Variants in FHOD1 observed in about 807,000 individuals in gnomAD.
FHOD1 encodes the protein formin homology 2 domain containing 1, also known as FH1/FH2 domain-containing protein 1.
Under a neutral mutation model 111.6 loss-of-function variants are expected in FHOD1, and 89 were observed. The observed-to-expected ratio is 0.80, with a 90% CI of 0.67 to 0.95. FHOD1 has a LOEUF of 0.95. Among genes scored for constraint, FHOD1 ranks in the 40% least tolerant of loss-of-function variants. The pLI, the probability that FHOD1 is intolerant of heterozygous loss-of-function variation, is 0.00. For missense variants in FHOD1, 1,446 were observed against 1,554.2 expected (o/e 0.93, Z 1.17); for synonymous variants, 618 against 639.0 (o/e 0.97, Z 0.50).
rs775428830 is a variant in FHOD1 at position 67,230,262 on chromosome 16, G to A, written c.3052-34C>T. 4.1e-5 allele frequency: 66 copies of A among 1,613,474 alleles called. 1 individual carries two copies. The highest frequency in any genetic ancestry group is 2.2e-4 in the South Asian group (20 of 91,076). The stretch of plus-strand genomic sequence containing the variant: ...AGAAGAAGGGTGAGCTGGGAGGAGC[G>A]AAGGAAACCAAGGAGGTGGCAGTCA... On this transcript the variant is annotated intron_variant, in intron 19 of 21. Coordinates refer to ENST00000258201, the MANE Select transcript of FHOD1 (RefSeq NM_013241.3).
rs1189324533 is a variant in FHOD1 at position 67,230,641 on chromosome 16, C to G, written c.2818G>C (p.Val940Leu). ...THFLDQCARR[V>L]AMLRIVHRRV... ...CGGTGCACTATCCTTAGCATGGCAACACGGCGGGCACACTGGTCCAGGAAG... is the reference window on the plus strand; with the variant it reads ...CGGTGCACTATCCTTAGCATGGCAAGACGGCGGGCACACTGGTCCAGGAAG... The change falls in exon 18 of 22, where the codon GTT (valine) becomes CTT (leucine). Residue 940 changes from valine (V) to leucine (L), a missense_variant. This residue lies in a region of FHOD1 where 1,085 missense variants were observed against 1,108.8 expected (regional missense o/e 0.98). Coordinates refer to ENST00000258201, the MANE Select transcript of FHOD1 (RefSeq NM_013241.3). The G allele has an allele frequency of 3.1e-6, 5 of 1,614,062 alleles. No individual in the cohort carries two copies. In the South Asian group the frequency reaches 5.5e-5, roughly 18 times the overall value.
rs954629708 is a variant in FHOD1 at position 67,238,399 on chromosome 16, G to A, written c.422C>T (p.Ser141Leu). The A allele has an allele frequency of 1.9e-6, 3 of 1,614,150 alleles. No individual in the cohort carries two copies. The highest frequency in any genetic ancestry group is 2.5e-6 in the Non-Finnish European group (3 of 1,180,030). ...SGPELRRSLF[S>L]LKQIFQEDKD... is the part of the protein sequence containing the mutation. ...CCTCACCTGGAAGATCTGCTTCAGT[G>A]AGAAGAGGGAGCGGCGGAGCTCAGG... The change falls in exon 4 of 22, where the codon TCA becomes TTA. Residue 141 changes from serine to leucine, a missense_variant. Ser to Leu is a moderately radical substitution (Grantham distance 145). Transcript: ENST00000258201. The surrounding 1 kb of genome is among the most constrained non-coding windows in gnomAD (Gnocchi z 4.2).
intron 17 of FHOD1, 157 bp from the exon 18 acceptor site, chr16:67,230,948 T>C: frequency 4.5e-6 from 4 of 888,960 alleles, no homozygotes; most frequent in Non-Finnish European, 6.7e-6. Flanking sequence ...CCATCTGATG[T>C]GAATGGGGAG....
At position 67,231,929 on chromosome 16, in the gene FHOD1, G is replaced by A. The variant is rs2034292857; in HGVS notation, c.2202+110C>T. 2 of 1,540,852 alleles carry A rather than the reference G, an allele frequency of 1.3e-6. No individual in the cohort carries two copies. The highest frequency in any genetic ancestry group is 2.7e-5 in the African/African-American group (2 of 73,264). Reference sequence around the variant, plus strand: ...GGGGAGGCCCCAGTGTCTGGGGACTGCCCTGCAGAAATGCCAAGCCCATGC... The same window carrying A: ...GGGGAGGCCCCAGTGTCTGGGGACTACCCTGCAGAAATGCCAAGCCCATGC... On this transcript the variant is annotated intron_variant, in intron 14 of 21. Transcript: ENST00000258201. The surrounding 1 kb of genome is among the most constrained non-coding windows in gnomAD (Gnocchi z 4.3).
Position 67,231,622 on chromosome 16 carries a change from C to A in FHOD1, c.2385+15G>T. ...ACCTGTCCCTACTGACTGTCCCACT[C>A]CAAGACCCAGGTACCCGCTCCATGC... On this transcript the variant is annotated intron_variant, in intron 15 of 21. Coordinates refer to ENST00000258201, the MANE Select transcript of FHOD1 (RefSeq NM_013241.3). This position sits in a 1 kb window ranked among gnomAD's most constrained non-coding sequence, Gnocchi z 4.3. 1.9e-6 allele frequency: 3 copies of A among 1,614,114 alleles called. No homozygotes were observed. The highest frequency in any genetic ancestry group is 2.5e-6 in the Non-Finnish European group (3 of 1,179,976).
At chr16:67,236,524 G>A (rs1367112659) in intron 11 of FHOD1, 33 bp downstream of exon 11, 2 of 1,602,938 alleles carry the variant, frequency 1.2e-6, no homozygotes, top group Non-Finnish European at 1.7e-6. Context: ...ATGGGAGAGA[G>A]GACTCCAGGG....
At chr16:67,235,812 A>T (rs1423845171) in intron 11 of FHOD1, among the ~76,000 whole-genome samples, 1 of 152,188 alleles carries the variant, frequency 6.6e-6, no homozygotes, top group Non-Finnish European at 1.5e-5. Context: ...AGGTGTTGCT[A>T]TTGAAGCACA....
In FHOD1 at chr16:67,233,875, G is replaced by T. The variant is rs376217621; in HGVS notation, c.1828C>A (p.Leu610Ile). ...PPPPLPLAAPLPHSVPDSSAL... is the reference protein window; with the variant it reads ...PPPPLPLAAPIPHSVPDSSAL... ...GAGCTGTCAGGCACTGAATGGGGAA[G>T]AGGGGCAGCCAGAGGTAGAGGTGGA... Residue 610 changes from leucine to isoleucine, a missense_variant, in exon 13 of 22, where the codon CTT (leucine) becomes ATT (isoleucine). This residue lies in a region of FHOD1 where 1,085 missense variants were observed against 1,108.8 expected (regional missense o/e 0.98). Transcript: ENST00000258201. The T allele has an allele frequency of 6.2e-7, 1 of 1,606,476 alleles. No homozygotes were observed. Among genetic ancestry groups the T allele is most frequent in the Non-Finnish European group, 8.5e-7 (1 of 1,176,674 alleles).
rs1181412003 is a variant in FHOD1 at position 67,237,763 on chromosome 16, G to C, written c.648C>G (p.Arg216=). 6.2e-7 allele frequency: 1 copy of C among 1,614,018 alleles called. No homozygotes were observed. The highest frequency in any genetic ancestry group is 1.7e-5 in the Admixed American group (1 of 60,028). ...WLYTLCASLS[R]LVVKTALKLL... The stretch of plus-strand genomic sequence containing the variant: ...GCTTCAGGGCTGTCTTCACCACCAA[G>C]CGGGACTGAGGAGAGAGGTCAGTAC... The change falls in exon 7 of 22, where the codon CGC becomes CGG. Residue 216 remains arginine (R), a synonymous_variant. Coordinates refer to ENST00000258201, the MANE Select transcript of FHOD1 (RefSeq NM_013241.3). The surrounding 1 kb of genome is among the most constrained non-coding windows in gnomAD (Gnocchi z 5.6).
rs1250588327 is a variant in FHOD1 at position 67,237,646 on chromosome 16, C to T, written c.754+11G>A. ...TCTGAGCGGTGGGGGGAGAAAGGGA[C>T]AGTCTCTGACCGGTGGTGCTGGCCA... On this transcript the variant is annotated intron_variant, in intron 7 of 21. Transcript: ENST00000258201. The surrounding 1 kb of genome is among the most constrained non-coding windows in gnomAD (Gnocchi z 5.6). The T allele has an allele frequency of 6.2e-7, 1 of 1,613,656 alleles. No individual in the cohort carries two copies. Among genetic ancestry groups the T allele is most frequent in the African/African-American group, 1.3e-5 (1 of 74,892 alleles).
rs1172959437 is a variant in FHOD1 at position 67,237,766 on chromosome 16, G to A, written c.645C>T (p.Ser215=). The A allele has an allele frequency of 2.5e-5, 41 of 1,613,766 alleles. No individual in the cohort carries two copies. The highest frequency in any genetic ancestry group is 3.5e-5 in the Non-Finnish European group (41 of 1,179,760). The change falls in exon 7 of 22, where the codon TCC becomes TCT. Residue 215 remains serine (S), a splice_region_variant and synonymous_variant. Coordinates refer to ENST00000258201, the MANE Select transcript of FHOD1 (RefSeq NM_013241.3). The surrounding 1 kb of genome is among the most constrained non-coding windows in gnomAD (Gnocchi z 5.6). The part of the protein sequence containing the change: ...QWLYTLCASL[S]RLVVKTALKL... ...TCAGGGCTGTCTTCACCACCAAGCGGGACTGAGGAGAGAGGTCAGTACATA... is the reference window on the plus strand; with the variant it reads ...TCAGGGCTGTCTTCACCACCAAGCGAGACTGAGGAGAGAGGTCAGTACATA...
chr16:67,237,317 G>T lies in FHOD1; in HGVS notation c.915C>A (p.Gly305=). ...GGTGGCGCTGGACCAGCGCTTCCAT[G>T]CCCTGCTGCTCCAGTGCATCCGTCA... ...YDVTDALEQQ[G]MEALVQRHLG... is the part of the protein sequence containing the mutation. Residue 305 remains glycine (G), a synonymous_variant, in exon 9 of 22, where the codon GGC becomes GGA. Transcript: ENST00000258201. The surrounding 1 kb of genome is among the most constrained non-coding windows in gnomAD (Gnocchi z 5.6). 2 of 1,614,080 alleles carry T rather than the reference G, an allele frequency of 1.2e-6. No individual in the cohort carries two copies. The highest frequency in any genetic ancestry group is 1.7e-6 in the Non-Finnish European group (2 of 1,180,034).
chr16:67,238,654 C>G lies in FHOD1; in HGVS notation c.374-207G>C. ...GCAACCTCAAACTCCTAGCCTCAAG[C>G]AATTCTCCCACCTTGACCTCTCAAA... On this transcript the variant is annotated intron_variant, in intron 3 of 21. Transcript: ENST00000258201. The surrounding 1 kb of genome is among the most constrained non-coding windows in gnomAD (Gnocchi z 4.2). 1.5e-6 allele frequency: 1 copy of G among 664,302 alleles called. No homozygotes were observed. 41.2% of individuals were successfully genotyped at this position (664,302 alleles called of 1,614,324 possible).
chr16:67,232,920 C>T (rs1034980520), intron 13 of FHOD1, among the ~76,000 whole-genome samples: 13 of 151,748 alleles, frequency 8.6e-5, no homozygotes, highest in African/African-American at 3.2e-4. Flanking sequence ...CCACGCCCAG[C>T]TCATTTTCAT....
rs377443760 is a variant in FHOD1 at position 67,247,240 on chromosome 16, C to A, written c.171G>T (p.Ala57=). ...GCGGCGCTCCCAGCAGGCGGTGCAC[C>A]GCGGGTATCTGCGCGCCCAAGGGCA... is the stretch of plus-strand genomic sequence containing the variant. ...GALPLGAQIP[A]VHRLLGAPLK... is the part of the protein sequence containing the mutation. The change falls in exon 1 of 22, where the codon GCG becomes GCT. Residue 57 remains alanine (A), a synonymous_variant. Transcript: ENST00000258201. 4.6e-5 allele frequency: 73 copies of A among 1,603,854 alleles called. No homozygotes were observed. Among genetic ancestry groups the A allele is most frequent in the Non-Finnish European group, 5.7e-5 (67 of 1,176,250 alleles).
At chr16:67,233,052 C>T (rs576765476) in intron 13 of FHOD1, among the ~76,000 whole-genome samples, 9 of 151,768 alleles carry the variant, frequency 5.9e-5, no homozygotes, top group East Asian at 1.9e-4. Context: ...CCACCATGCC[C>T]GGCTAATTTT....
In FHOD1 at chr16:67,237,287, G is replaced by GC. The variant is rs769224283; in HGVS notation, c.944dup (p.Thr316HisfsTer5). The GC allele has an allele frequency of 6.2e-7, 1 of 1,613,948 alleles. No individual in the cohort carries two copies. Among genetic ancestry groups the GC allele is most frequent in the Non-Finnish European group, 8.5e-7 (1 of 1,180,024 alleles). ...GCAGGTCGACGTCAGTGCCCGCAGTGCCCAGGTGGCGCTGGACCAGCGCTT... is the reference window on the plus strand; with the variant it reads ...GCAGGTCGACGTCAGTGCCCGCAGTGCCCCAGGTGGCGCTGGACCAGCGCTT... On this transcript the variant is annotated frameshift_variant, in exon 9 of 22. Coordinates refer to ENST00000258201, the MANE Select transcript of FHOD1 (RefSeq NM_013241.3). LOFTEE classifies it high-confidence loss of function. This position sits in a 1 kb window ranked among gnomAD's most constrained non-coding sequence, Gnocchi z 5.6.
At position 67,233,964 on chromosome 16, in the gene FHOD1, GAGAGCA is replaced by G. The variant is rs2034378733; in HGVS notation, c.1733_1738del (p.Leu578_Ser580delinsPro). The stretch of plus-strand genomic sequence containing the variant: ...AAGTGGGGGAGGGGGGGGTACTCCC[GAGAGCA>G]GGGGCAGTGGGGGTGAGGGAGCTGG... On this transcript the variant is annotated inframe_deletion, in exon 13 of 22. Coordinates refer to ENST00000258201, the MANE Select transcript of FHOD1 (RefSeq NM_013241.3). 2.5e-6 allele frequency: 4 copies of G among 1,606,952 alleles called. No individual in the cohort carries two copies. Among genetic ancestry groups the G allele is most frequent in the Non-Finnish European group, 2.5e-6 (3 of 1,178,232 alleles).
intron 20 of FHOD1, 23 bp from the exon 21 acceptor site, chr16:67,230,013 G>A (rs886581292): frequency 6.2e-7 from 1 of 1,613,284 alleles, no homozygotes; most frequent in African/African-American, 1.3e-5. Flanking sequence ...AGATAGCAAA[G>A]TCAGGCCAAG....
Sources: allele counts gnomAD v4.1 joint callset (sites outside exome capture counted in the v4.1 genomes callset), GRCh38; gene constraint gnomAD v4.1.1; regional missense constraint gnomAD v4.1.1; non-coding constraint Gnocchi (gnomAD v3.1); transcripts MANE v1.5; gene names NCBI Gene and HGNC (gene_info 2026-07-23, HGNC 2026-07-21).